CNGA1: variants seen among roughly 807,000 people sequenced by gnomAD.
The protein encoded by CNGA1 is cyclic nucleotide gated channel subunit alpha 1.
Under a neutral mutation model 69.7 loss-of-function variants are expected in CNGA1, and 53 were observed. The observed-to-expected ratio is 0.76, with a 90% CI of 0.61 to 0.96. The LOEUF (loss-of-function observed/expected upper bound fraction) is 0.96. CNGA1 is among the 40% of genes least tolerant of loss of function. The pLI, the probability that CNGA1 is intolerant of heterozygous loss-of-function variation, is 0.00. For synonymous variants in CNGA1, 249 were observed against 283.5 expected (o/e 0.88, Z 1.22); for missense variants, 739 against 811.2 (o/e 0.91, Z 1.08).
intron 2 of CNGA1, among the ~76,000 whole-genome samples, chr4:47,984,298 T>C (rs1346183098): frequency 6.6e-6 from 1 of 152,126 alleles, no homozygotes; most frequent in African/African-American, 2.4e-5. Context: ...AATTTGATAA[T>C]GCCCACTATT....
At chr4:48,004,588 T>G (rs1312538921) in intron 2 of CNGA1, among the ~76,000 whole-genome samples, 1 of 152,168 alleles carries the variant, frequency 6.6e-6, no homozygotes, top group South Asian at 2.1e-4. Context: ...CCAAGTTATT[T>G]AGGAAGGCTC....
intron 6 of CNGA1, among the ~76,000 whole-genome samples, chr4:47,945,398 C>T (rs1237839512): frequency 6.6e-6 from 1 of 152,106 alleles, no homozygotes; most frequent in African/African-American, 2.4e-5. Flanking sequence ...GGTCTTTCTC[C>T]TAAAGAACCT....
chr4:47,958,570 C>T (rs977939001), intron 3 of CNGA1, among the ~76,000 whole-genome samples: 2 of 151,658 alleles, frequency 1.3e-5, no homozygotes, highest in African/African-American at 2.4e-5. Context: ...TACAGTGAGC[C>T]GAGATCGCAC....
chr4:47,991,172 C>A (rs545029074), intron 2 of CNGA1, among the ~76,000 whole-genome samples: 1 of 152,128 alleles, frequency 6.6e-6, no homozygotes, highest in East Asian at 1.9e-4. Context: ...GGGTAGATAC[C>A]GAGTACTGGG....
intron 3 of CNGA1, chr4:47,971,001 C>T (rs970015669): frequency 1.8e-5 from 8 of 453,214 alleles, no homozygotes; most frequent in Non-Finnish European, 2.6e-5. Flanking sequence ...ACTAAAAATA[C>T]AAAAATTAGC....
intron 1 of CNGA1, among the ~76,000 whole-genome samples, chr4:48,013,403 T>C (rs573934102): frequency 6.6e-6 from 1 of 152,334 alleles, no homozygotes; most frequent in Admixed American, 6.5e-5. Context: ...AGTTGGGTTT[T>C]ATACATTCTA....
chr4:47,998,189 C>T (rs1714478357), intron 2 of CNGA1, among the ~76,000 whole-genome samples: 1 of 152,156 alleles, frequency 6.6e-6, no homozygotes, highest in South Asian at 2.1e-4. Context: ...TCTTGTTTAG[C>T]TAAGGAGTCA....
At chr4:47,987,643 T>TTA (rs66588022) in intron 2 of CNGA1, among the ~76,000 whole-genome samples, 26,656 of 152,102 alleles carry the variant, frequency 0.18, 2,498 homozygotes, top group Middle Eastern at 0.24. Context: ...TACACTCTAA[T>TTA]AAGATGGGAA....
intron 2 of CNGA1, among the ~76,000 whole-genome samples, chr4:47,983,568 C>T (rs530641322): frequency 2.6e-5 from 4 of 151,736 alleles, no homozygotes; most frequent in African/African-American, 9.7e-5. Context: ...CCAGCCTGGG[C>T]GACAGAGCGA....
intron 2 of CNGA1, among the ~76,000 whole-genome samples, chr4:48,006,970 G>T (rs1714946378): frequency 1.3e-5 from 2 of 151,732 alleles, no homozygotes. Flanking sequence ...AATATCAAAG[G>T]TTTACACTTG....
At chr4:48,010,168 T>C (rs1715088815) in intron 2 of CNGA1, among the ~76,000 whole-genome samples, 3 of 152,298 alleles carry the variant, frequency 2.0e-5, no homozygotes, top group Admixed American at 2.0e-4. Flanking sequence ...AGAAAAAGTC[T>C]GGTACTGCTA....
intron 2 of CNGA1, among the ~76,000 whole-genome samples, chr4:48,008,015 C>A (rs558640106): frequency 2.0e-5 from 3 of 152,242 alleles, no homozygotes; most frequent in South Asian, 2.1e-4. Flanking sequence ...TAAATAAAAT[C>A]TCTTATAATT....
chr4:47,940,414 T>A (rs2110136432), intron 10 of CNGA1, among the ~76,000 whole-genome samples: 1 of 152,318 alleles, frequency 6.6e-6, no homozygotes, highest in Non-Finnish European at 1.5e-5. Flanking sequence ...ACAATGACAT[T>A]TTTCCCCACG....
chr4:48,009,379 C>A (rs1201456913), intron 2 of CNGA1, among the ~76,000 whole-genome samples: 6 of 148,942 alleles, frequency 4.0e-5, no homozygotes, highest in Non-Finnish European at 8.9e-5. Flanking sequence ...GCAGGAGAAT[C>A]ACTTGAACCC....
chr4:47,948,989 A>C (rs1054059459), intron 6 of CNGA1, among the ~76,000 whole-genome samples: 3 of 152,224 alleles, frequency 2.0e-5, no homozygotes, highest in African/African-American at 7.2e-5. Flanking sequence ...TAATCCCATT[A>C]ACTTTACTCT....
At chr4:47,959,856 T>C (rs1442348655) in intron 3 of CNGA1, among the ~76,000 whole-genome samples, 1 of 152,180 alleles carries the variant, frequency 6.6e-6, no homozygotes, top group Non-Finnish European at 1.5e-5. Context: ...CCTGCCCGCC[T>C]TGGCCTCCCA....
At chr4:47,966,869 A>T (rs1164238625) in intron 3 of CNGA1, among the ~76,000 whole-genome samples, 1 of 152,248 alleles carries the variant, frequency 6.6e-6, no homozygotes, top group Admixed American at 6.5e-5. Flanking sequence ...CCAAATGTTG[A>T]TTTCAACAAA....
At chr4:47,961,936 T>C (rs890184513) in intron 3 of CNGA1, among the ~76,000 whole-genome samples, 1 of 152,248 alleles carries the variant, frequency 6.6e-6, no homozygotes, top group Non-Finnish European at 1.5e-5. Flanking sequence ...TTGTGAATTT[T>C]ATAAATCTAA....
Position 48,004,279 on chromosome 4 carries a change from T to C in CNGA1, c.-123+6515A>G, listed in dbSNP as rs772576372. Among the ~76,000 whole-genome samples, 18 of 152,206 alleles carry C rather than the reference T, an allele frequency of 1.2e-4. 1 individual carries two copies. The highest frequency in any genetic ancestry group is 3.3e-4 in the Admixed American group (5 of 15,282). On this transcript the variant is annotated intron_variant, in intron 2 of 10. Transcript: ENST00000514170. ...CTCCTTACCCTGCCCCTTTGTCTTG[T>C]ATCCAATAAATATCAGCGCAGCCTG...
Sources: allele counts gnomAD v4.1 joint callset (sites outside exome capture counted in the v4.1 genomes callset), GRCh38; gene constraint gnomAD v4.1.1; transcripts MANE v1.5; gene names NCBI Gene and HGNC (gene_info 2026-07-23, HGNC 2026-07-21).